The following AHRR variants were observed in gnomAD, a reference collection of about 807,000 sequenced individuals.
The protein encoded by AHRR is aryl hydrocarbon receptor repressor.
In AHRR, 28 loss-of-function variants were observed where a neutral mutation model predicts 44.0. That is an observed-to-expected ratio of 0.64 (90% CI 0.47 to 0.87). The LOEUF (loss-of-function observed/expected upper bound fraction) is 0.87, where lower values mean the gene tolerates loss of function less well. AHRR is among the 40% of genes least tolerant of loss of function. AHRR has a pLI of 0.00. For synonymous variants in AHRR, 434 were observed against 407.0 expected (o/e 1.07, Z -0.80); for missense variants, 990 against 953.9 (o/e 1.04, Z -0.50).
chr5:368,272 C>T (rs1028628760), intron 3 of AHRR, among the ~76,000 whole-genome samples: 5 of 152,150 alleles, frequency 3.3e-5, no homozygotes, highest in African/African-American at 7.2e-5. Flanking sequence ...ACTCCCTGGG[C>T]GTGCACCGCG....
chr5:351,725 T>C lies in AHRR; in HGVS notation c.63-2005T>C, dbSNP rs551436566. Among the ~76,000 whole-genome samples the C allele has an allele frequency of 6.6e-5, 10 of 152,306 alleles. No individual in the cohort carries two copies. In the South Asian group the frequency reaches 2.1e-3, roughly 32 times the overall value. ...GTTCACTTTTAAACAGTTAGTTTCA[T>C]GTTATGTGGATTATATCTCAACTGA... is the stretch of plus-strand genomic sequence containing the variant. On this transcript the variant is annotated intron_variant, in intron 2 of 10. Coordinates refer to ENST00000684583, the MANE Select transcript of AHRR (RefSeq NM_001377236.1).
At chr5:399,535 G>A (rs913350784) in intron 4 of AHRR, among the ~76,000 whole-genome samples, 1 of 152,214 alleles carries the variant, frequency 6.6e-6, no homozygotes, top group Non-Finnish European at 1.5e-5. Flanking sequence ...CTGATCACTG[G>A]AGGGTGCCTG....
At chr5:396,893 A>T (rs1330268762) in intron 4 of AHRR, among the ~76,000 whole-genome samples, 1 of 139,400 alleles carries the variant, frequency 7.2e-6, no homozygotes, top group East Asian at 2.3e-4. Context: ...CTCCTTGCCC[A>T]CCTCAGAGGC....
chr5:350,162 G>C (rs6879758), intron 2 of AHRR, among the ~76,000 whole-genome samples: 9,600 of 152,258 alleles, frequency 0.063, 394 homozygotes, highest in African/African-American at 0.11. Context: ...TTCCTGTTGG[G>C]ATTTTAATAT....
intron 3 of AHRR, among the ~76,000 whole-genome samples, chr5:364,322 G>A (rs1415791712): frequency 1.3e-5 from 2 of 152,184 alleles, no homozygotes; most frequent in Non-Finnish European, 2.9e-5. Context: ...AGAAGGTGGT[G>A]ACTATATGGG....
chr5:365,852 T>C (rs766882638), intron 3 of AHRR, among the ~76,000 whole-genome samples: 68 of 152,128 alleles, frequency 4.5e-4, no homozygotes, highest in Non-Finnish European at 6.2e-4. Context: ...ATTAAAGAAA[T>C]TGATTTGTTT....
chr5:330,869 A>ATTT lies in AHRR; in HGVS notation c.-11+9070_-11+9072dup, dbSNP rs34221385. On this transcript the variant is annotated intron_variant, in intron 1 of 10. Transcript: ENST00000684583. ...TTTTGCATGTTTGGTATAATTCAGC[A>ATTT]TTTTTTTTTTTTTTTTTTTTTTGAG... is the stretch of plus-strand genomic sequence containing the variant. Among the ~76,000 whole-genome samples the ATTT allele has an allele frequency of 3.6e-3, 350 of 97,420 alleles. 6 individuals carry two copies. Among genetic ancestry groups the ATTT allele is most frequent in the African/African-American group, 0.011 (255 of 22,944 alleles). The allele number at this position is 97,420 out of a possible 152,430, so 63.9% of individuals were successfully genotyped here. A position where few individuals can be genotyped will look rare whatever the true frequency, so the allele number is the denominator to read the frequency against.
chr5:380,140 T>C (rs1356225478), intron 4 of AHRR, among the ~76,000 whole-genome samples: 1 of 152,242 alleles, frequency 6.6e-6, no homozygotes, highest in African/African-American at 2.4e-5. Context: ...CAATTGGCTG[T>C]ATTTTTGTGG....
intron 1 of AHRR, among the ~76,000 whole-genome samples, chr5:336,068 G>C (rs1041344181): frequency 6.6e-6 from 1 of 152,218 alleles, no homozygotes; most frequent in Admixed American, 6.5e-5. Context: ...GATGGAGAAT[G>C]GTGTCTTGCT....
At chr5:407,213 G>A (rs1735298152) in intron 4 of AHRR, among the ~76,000 whole-genome samples, 1 of 152,118 alleles carries the variant, frequency 6.6e-6, no homozygotes. Context: ...AATCAGTTTG[G>A]TGCTATGTTT....
At chr5:374,228 G>T (rs1258933637) in intron 3 of AHRR, among the ~76,000 whole-genome samples, 2 of 152,168 alleles carry the variant, frequency 1.3e-5, no homozygotes, top group Non-Finnish European at 2.9e-5. Context: ...GTCTCACGGG[G>T]CGACCCCAGC....
chr5:430,912 G>C (rs1736692565), intron 8 of AHRR, among the ~76,000 whole-genome samples: 1 of 152,214 alleles, frequency 6.6e-6, no homozygotes. Context: ...GAGGAACATA[G>C]AATTCTAAAG....
At chr5:423,377 A>T (rs545307609) in intron 6 of AHRR, among the ~76,000 whole-genome samples, 1 of 152,132 alleles carries the variant, frequency 6.6e-6, no homozygotes, top group Non-Finnish European at 1.5e-5. Flanking sequence ...TTGACAGGCA[A>T]TGACAGGCGG....
At position 434,343 on chromosome 5, in the gene AHRR, A is replaced by G. The variant is rs1174517241; in HGVS notation, c.1603A>G (p.Met535Val). The change falls in exon 11 of 11, where the codon ATG (methionine) becomes GTG (valine). Residue 535 changes from methionine to valine, a missense_variant. Physicochemically the swap from Met to Val is conservative, Grantham distance 21 (BLOSUM62 1). Coordinates refer to ENST00000684583, the MANE Select transcript of AHRR (RefSeq NM_001377236.1). The stretch of plus-strand genomic sequence containing the variant: ...GCTGCTGCTAGATGTGTCCATCAAG[A>G]TGGAGAAGGACTCTGGGTGTGAGGG... ...PTLLLDVSIK[M>V]EKDSGCEGAA... is the part of the protein sequence containing the mutation. 6.2e-7 allele frequency: 1 copy of G among 1,612,948 alleles called. No individual in the cohort carries two copies. Among genetic ancestry groups the G allele is most frequent in the Admixed American group, 1.7e-5 (1 of 59,912 alleles).
intron 1 of AHRR, among the ~76,000 whole-genome samples, chr5:322,831 C>A (rs1741549026): frequency 6.6e-6 from 1 of 152,250 alleles, no homozygotes; most frequent in Non-Finnish European, 1.5e-5. Context: ...CCGGCGGACG[C>A]CGCCGCCTGG....
At chr5:364,757 T>A (rs778481280) in intron 3 of AHRR, among the ~76,000 whole-genome samples, 1 of 152,012 alleles carries the variant, frequency 6.6e-6, no homozygotes, top group Non-Finnish European at 1.5e-5. Context: ...AGAAAACACA[T>A]CTACACTCTA....
At chr5:398,043 G>C (rs1268668112) in intron 4 of AHRR, among the ~76,000 whole-genome samples, 1 of 116,784 alleles carries the variant, frequency 8.6e-6, no homozygotes, top group Non-Finnish European at 1.8e-5. Context: ...GACCATCCAT[G>C]TTAGCCCCTG....
chr5:423,415 G>C (rs1389292753), intron 6 of AHRR, among the ~76,000 whole-genome samples: 2 of 152,184 alleles, frequency 1.3e-5, no homozygotes, highest in Non-Finnish European at 2.9e-5. Context: ...TTGCATCTGG[G>C]CTCTGAGGAG....
rs1196690924 is a variant in AHRR at position 423,889 on chromosome 5, C to T, written c.620C>T (p.Thr207Ile). The change falls in exon 7 of 11, where the codon ACA (threonine) becomes ATA (isoleucine). Residue 207 changes from threonine (T) to isoleucine (I), a missense_variant. Coordinates refer to ENST00000684583, the MANE Select transcript of AHRR (RefSeq NM_001377236.1). ...GRLLRAQEWGTGTPTEYSAFL... is the reference protein window; with the variant it reads ...GRLLRAQEWGIGTPTEYSAFL... ...CTGCTCAGGGCCCAGGAGTGGGGCA[C>T]AGGCACGCCCACCGAGTACTCGGCC... The T allele has an allele frequency of 5.6e-6, 9 of 1,604,898 alleles. No homozygotes were observed. The highest frequency in any genetic ancestry group is 7.6e-6 in the Non-Finnish European group (9 of 1,179,864).
Sources: allele counts gnomAD v4.1 joint callset (sites outside exome capture counted in the v4.1 genomes callset), GRCh38; gene constraint gnomAD v4.1.1; transcripts MANE v1.5; gene names NCBI Gene and HGNC (gene_info 2026-07-23, HGNC 2026-07-21).